The following PTPRN2 variants were observed in gnomAD, a reference collection of about 807,000 sequenced individuals.
PTPRN2 encodes protein tyrosine phosphatase receptor type N2, also known as receptor-type tyrosine-protein phosphatase N2.
Under a neutral mutation model 118.8 loss-of-function variants are expected in PTPRN2, and 74 were observed. The observed-to-expected ratio is 0.62, with a 90% CI of 0.52 to 0.76. The LOEUF (loss-of-function observed/expected upper bound fraction) is 0.76. Among genes scored for constraint, PTPRN2 ranks in the 30% least tolerant of loss-of-function variants. PTPRN2 has a pLI of 0.00. For missense variants in PTPRN2, 1,481 were observed against 1,394.4 expected, an observed-to-expected ratio of 1.06 and a Z score of -0.99; for synonymous variants, 641 against 608.0, an observed-to-expected ratio of 1.05 and a Z score of -0.80.
chr7:157,873,781 G>A (rs1056888680), intron 12 of PTPRN2, among the ~76,000 whole-genome samples: 1 of 152,148 alleles, frequency 6.6e-6, no homozygotes, highest in Non-Finnish European at 1.5e-5. Flanking sequence ...GTACTGAGGA[G>A]AGCGCAGCAC....
intron 11 of PTPRN2, among the ~76,000 whole-genome samples, chr7:157,925,660 G>T (rs1387503940): frequency 6.6e-6 from 1 of 152,062 alleles, no homozygotes; most frequent in African/African-American, 2.4e-5. Flanking sequence ...GCACACCCAG[G>T]AGCCGCTGGG....
At chr7:158,232,246 A>G (rs1257522835) in intron 3 of PTPRN2, among the ~76,000 whole-genome samples, 3 of 152,168 alleles carry the variant, frequency 2.0e-5, no homozygotes, top group Non-Finnish European at 2.9e-5. Context: ...ATCCAAATAA[A>G]TAAAGTCAGA....
intron 2 of PTPRN2, among the ~76,000 whole-genome samples, chr7:158,374,970 GGT>G (rs1810386440): frequency 6.6e-6 from 1 of 152,158 alleles, no homozygotes; most frequent in African/African-American, 2.4e-5. Flanking sequence ...AATAATAAAG[GGT>G]GGGGCTAAAA....
In PTPRN2 at chr7:158,150,793, C is replaced by T. The variant is rs371256073; in HGVS notation, c.911-12278G>A. On this transcript the variant is annotated intron_variant, in intron 6 of 22. Coordinates refer to ENST00000389418, the MANE Select transcript of PTPRN2 (RefSeq NM_002847.5). ...TCTGCAGCACCGCGACCCAGCACTC[C>T]TCTCCCTCCGTGTCCTGTGAACTCT... 1.1e-4 allele frequency among the ~76,000 whole-genome samples: 17 copies of T among 152,036 alleles called. No homozygotes were observed. The East Asian group carries it at 2.5e-3, about 23-fold the overall frequency.
At position 157,808,869 on chromosome 7, in the gene PTPRN2, G is replaced by T. The variant is rs982035334; in HGVS notation, c.1788+89804C>A. 6.6e-6 allele frequency among the ~76,000 whole-genome samples: 1 copy of T among 152,160 alleles called. No individual in the cohort carries two copies. The highest frequency in any genetic ancestry group is 1.5e-5 in the Non-Finnish European group (1 of 68,048). ...TAAGCATCTATAAGATTCAGTTGTT[G>T]CCTTGGACGATTCACATTTCACATG... On this transcript the variant is annotated intron_variant, in intron 12 of 22. Coordinates refer to ENST00000389418, the MANE Select transcript of PTPRN2 (RefSeq NM_002847.5). The surrounding 1 kb of genome is among the most constrained non-coding windows in gnomAD (Gnocchi z 5.0).
chr7:157,634,512 C>T (rs1804179902), intron 14 of PTPRN2, among the ~76,000 whole-genome samples: 1 of 152,190 alleles, frequency 6.6e-6, no homozygotes, highest in Non-Finnish European at 1.5e-5. Flanking sequence ...CCGTGATGTG[C>T]TTGTCCACAG....
chr7:157,563,549 A>G (rs1322941265), intron 21 of PTPRN2, among the ~76,000 whole-genome samples: 4 of 116,538 alleles, frequency 3.4e-5, no homozygotes, highest in Non-Finnish European at 3.5e-5. Flanking sequence ...ACGTGCTCCC[A>G]CGTCACCACA....
chr7:158,356,038 A>G (rs1808361794), intron 2 of PTPRN2, among the ~76,000 whole-genome samples: 1 of 152,210 alleles, frequency 6.6e-6, no homozygotes, highest in Non-Finnish European at 1.5e-5. Flanking sequence ...GAAAATTACA[A>G]GTTTTTTCAC....
Position 158,240,168 on chromosome 7 carries a change from A to G in PTPRN2, c.278-34895T>C, listed in dbSNP as rs572765669. 7.2e-5 allele frequency among the ~76,000 whole-genome samples: 11 copies of G among 152,258 alleles called. No individual in the cohort carries two copies. In the South Asian group the frequency reaches 2.3e-3, roughly 32 times the overall value. ...TAGGATGGCCATTTTTATCTTTTTG[A>G]TAAGTGTGGAGGAAGTTGGCTTAGT... On this transcript the variant is annotated intron_variant, in intron 3 of 22. Coordinates refer to ENST00000389418, the MANE Select transcript of PTPRN2 (RefSeq NM_002847.5).
At chr7:158,242,199 C>T (rs1452991563) in intron 3 of PTPRN2, among the ~76,000 whole-genome samples, 3 of 152,206 alleles carry the variant, frequency 2.0e-5, no homozygotes, top group African/African-American at 4.8e-5. Flanking sequence ...CTCCTCCCCG[C>T]CCCGTCCTCT....
chr7:158,070,325 CGTGGTGTGG>C (rs1563386213), intron 11 of PTPRN2, among the ~76,000 whole-genome samples: 2 of 140,406 alleles, frequency 1.4e-5, no homozygotes, highest in East Asian at 4.4e-4. Flanking sequence ...TGGAGGTGCT[CGTGGTGTGG>C]AGGTGCCCGT....
At chr7:158,505,064 C>T (rs151169410) in intron 1 of PTPRN2, among the ~76,000 whole-genome samples, 4 of 152,268 alleles carry the variant, frequency 2.6e-5, no homozygotes, top group East Asian at 1.9e-4. Context: ...ATAGGGTTGC[C>T]GGGAAAATCC....
intron 13 of PTPRN2, among the ~76,000 whole-genome samples, chr7:157,682,094 A>G (rs974514662): frequency 1.3e-5 from 2 of 152,218 alleles, no homozygotes; most frequent in African/African-American, 4.8e-5. Flanking sequence ...GCGCCATAGA[A>G]CTTCCAGAAA....
At chr7:158,102,717 T>C (rs1014193619) in intron 10 of PTPRN2, among the ~76,000 whole-genome samples, 1 of 152,100 alleles carries the variant, frequency 6.6e-6, no homozygotes, top group African/African-American at 2.4e-5. Flanking sequence ...CAAGGACTCA[T>C]TGCATCACGC....
chr7:158,040,877 C>A (rs969190481), intron 11 of PTPRN2, among the ~76,000 whole-genome samples: 1 of 152,034 alleles, frequency 6.6e-6, no homozygotes, highest in African/African-American at 2.4e-5. Context: ...GGATTACAGG[C>A]ATGCACCACC....
rs73745007 is a variant in PTPRN2, at chr7:157,893,629, C to T, written c.1788+5044G>A. On this transcript the variant is annotated intron_variant, in intron 12 of 22. Transcript: ENST00000389418. The surrounding 1 kb of genome is among the most constrained non-coding windows in gnomAD (Gnocchi z 4.0). ...TGCGGCAGGAAGATCAAGAGCCCTG[C>T]GTGGCCCACTTTAAGTGTGAGGCTC... Among the ~76,000 whole-genome samples the T allele has an allele frequency of 0.018, 2,808 of 152,254 alleles. 104 individuals are homozygous for T. The highest frequency in any genetic ancestry group is 0.063 in the African/African-American group (2,635 of 41,536).
chr7:157,693,899 C>A (rs1436279912), intron 12 of PTPRN2, among the ~76,000 whole-genome samples: 3 of 152,342 alleles, frequency 2.0e-5, no homozygotes, highest in East Asian at 1.9e-4. Flanking sequence ...CGTGTCCAGC[C>A]CCTCAGTCTC....
chr7:157,786,384 G>A (rs1804038648), intron 12 of PTPRN2, among the ~76,000 whole-genome samples: 1 of 152,230 alleles, frequency 6.6e-6, no homozygotes. Context: ...AGTCTAAGAA[G>A]GAAGATTATT....
At chr7:158,242,644 A>G (rs1372847066) in intron 3 of PTPRN2, among the ~76,000 whole-genome samples, 1 of 152,222 alleles carries the variant, frequency 6.6e-6, no homozygotes, top group African/African-American at 2.4e-5. Flanking sequence ...AGGATTCAGC[A>G]ATGAAAACAT....
Sources: allele counts gnomAD v4.1 joint callset (sites outside exome capture counted in the v4.1 genomes callset), GRCh38; gene constraint gnomAD v4.1.1; non-coding constraint Gnocchi (gnomAD v3.1); transcripts MANE v1.5; gene names NCBI Gene and HGNC (gene_info 2026-07-23, HGNC 2026-07-21).